The following GPHN variants were observed in gnomAD, a reference collection of about 807,000 sequenced individuals.
The protein encoded by GPHN is gephyrin.
GPHN carries 17 observed loss-of-function variants against 95.5 expected under a neutral mutation model. The ratio of observed to expected loss-of-function variants is 0.18; its 90% confidence interval spans 0.12 to 0.27. The LOEUF (loss-of-function observed/expected upper bound fraction) is 0.27, where lower values mean the gene tolerates loss of function less well. Ranked by LOEUF, GPHN falls within the 10% of genes least tolerant of loss-of-function variation. The pLI is 1.00. For missense variants in GPHN, 660 were observed against 978.1 expected, an observed-to-expected ratio of 0.67 and a Z score of 4.34; for synonymous variants, 320 against 322.5, an observed-to-expected ratio of 0.99 and a Z score of 0.08.
chr14:66,685,987 C>T (rs1343585962), intron 2 of GPHN, among the ~76,000 whole-genome samples: 1 of 133,878 alleles, frequency 7.5e-6, no homozygotes, highest in Non-Finnish European at 1.5e-5. Context: ...TTCCCAGCAC[C>T]ATTTATTAAA....
At chr14:66,959,538 T>C (rs996855000) in intron 8 of GPHN, among the ~76,000 whole-genome samples, 1 of 152,136 alleles carries the variant, frequency 6.6e-6, no homozygotes, top group Admixed American at 6.6e-5. Flanking sequence ...TTATCAGATA[T>C]AGAATTATTG....
At chr14:67,155,822 G>A (rs927715794) in intron 18 of GPHN, among the ~76,000 whole-genome samples, 4 of 152,050 alleles carry the variant, frequency 2.6e-5, no homozygotes, top group Non-Finnish European at 4.4e-5. Flanking sequence ...CCATACCTAG[G>A]TAATCAGCAA....
At chr14:67,238,107 C>A in the GPHN span, among the ~76,000 whole-genome samples, 1 of 152,100 alleles carries the variant, frequency 6.6e-6, no homozygotes, top group Non-Finnish European at 1.5e-5. Flanking sequence ...AAAACTTAAT[C>A]TAATTACCAT....
At chr14:67,482,492 TC>T in the GPHN span, among the ~76,000 whole-genome samples, 5 of 152,112 alleles carry the variant, frequency 3.3e-5, no homozygotes, top group Admixed American at 3.3e-4. Context: ...CCGCTTTCAC[TC>T]CACTCACTTC....
At chr14:66,542,210 C>T (rs1264710879) in intron 1 of GPHN, among the ~76,000 whole-genome samples, 1 of 152,172 alleles carries the variant, frequency 6.6e-6, no homozygotes, top group Non-Finnish European at 1.5e-5. Flanking sequence ...ATCATGCTGA[C>T]TAGTTTTACT....
intron 2 of GPHN, among the ~76,000 whole-genome samples, chr14:66,702,685 T>C (rs1352769583): frequency 6.6e-6 from 1 of 151,772 alleles, no homozygotes; most frequent in Non-Finnish European, 1.5e-5. Context: ...TTAGACAAAC[T>C]CATGAAGATG....
intron 1 of GPHN, among the ~76,000 whole-genome samples, chr14:66,573,735 G>A (rs977170007): frequency 2.0e-5 from 3 of 152,082 alleles, no homozygotes; most frequent in Non-Finnish European, 2.9e-5. Context: ...GATTACAGGC[G>A]TGAGCCACCA....
At chr14:67,341,367 C>G in the GPHN span, among the ~76,000 whole-genome samples, 1 of 152,024 alleles carries the variant, frequency 6.6e-6, no homozygotes, top group African/African-American at 2.4e-5. Flanking sequence ...GCAGCCGCCC[C>G]ATCTGAGAAG....
At chr14:66,887,348 G>C (rs926701899) in intron 5 of GPHN, among the ~76,000 whole-genome samples, 1 of 152,138 alleles carries the variant, frequency 6.6e-6, no homozygotes, top group African/African-American at 2.4e-5. Flanking sequence ...CCAGTGCTTT[G>C]GGAGGCCAAG....
chr14:66,881,312 C>CT (rs1472813085), intron 5 of GPHN, among the ~76,000 whole-genome samples: 14 of 151,768 alleles, frequency 9.2e-5, no homozygotes, highest in Non-Finnish European at 1.8e-4. Flanking sequence ...TCATAGTGTT[C>CT]TTTTTTTAAA....
At chr14:67,581,482 C>T in the GPHN span, 13 of 168,980 alleles carry the variant, frequency 7.7e-5, no homozygotes, top group Non-Finnish European at 1.4e-4. Context: ...GCTGAGATCA[C>T]GCCACTGCAC....
At chr14:67,463,761 C>T in the GPHN span, among the ~76,000 whole-genome samples, 1 of 152,038 alleles carries the variant, frequency 6.6e-6, no homozygotes, top group East Asian at 1.9e-4. Flanking sequence ...GAATGTGCTC[C>T]CAGTGAACTC....
At chr14:67,510,390 G>A in the GPHN span, among the ~76,000 whole-genome samples, 1 of 152,074 alleles carries the variant, frequency 6.6e-6, no homozygotes, top group Non-Finnish European at 1.5e-5. Flanking sequence ...ACACACAGAC[G>A]AATCATTGCC....
At chr14:66,875,170 A>G (rs1009322869) in intron 4 of GPHN, among the ~76,000 whole-genome samples, 1 of 152,058 alleles carries the variant, frequency 6.6e-6, no homozygotes, top group African/African-American at 2.4e-5. Context: ...CTTCATAAAC[A>G]AAGGAGAAGT....
the GPHN span, among the ~76,000 whole-genome samples, chr14:67,659,538 G>A: frequency 2.3e-4 from 35 of 151,422 alleles, no homozygotes; most frequent in Non-Finnish European, 4.3e-4. Flanking sequence ...CATATAGTTC[G>A]AAAGGCCTGC....
chr14:67,037,327 C>T (rs955816756), intron 10 of GPHN, among the ~76,000 whole-genome samples: 1 of 151,830 alleles, frequency 6.6e-6, no homozygotes, highest in Non-Finnish European at 1.5e-5. Flanking sequence ...ATAGGTAAGA[C>T]CTGAAACTAT....
At chr14:67,684,038 G>T in the GPHN span, among the ~76,000 whole-genome samples, 3 of 152,116 alleles carry the variant, frequency 2.0e-5, no homozygotes, top group Non-Finnish European at 4.4e-5. Flanking sequence ...CTGCTTCAGG[G>T]CCTCTTTCAC....
At chr14:67,074,036 A>G (rs2153659008) in intron 11 of GPHN, among the ~76,000 whole-genome samples, 1 of 152,306 alleles carries the variant, frequency 6.6e-6, no homozygotes, top group East Asian at 1.9e-4. Flanking sequence ...TGGTCTTTCA[A>G]ATAAAGAGGT....
chr14:67,221,413 C>T, the GPHN span, among the ~76,000 whole-genome samples: 4 of 152,148 alleles, frequency 2.6e-5, no homozygotes, highest in East Asian at 1.9e-4. Context: ...TTTATTTACA[C>T]GGCTCAGCAG....
Sources: gnomAD v4.1 joint callset for allele counts (sites outside exome capture counted in the v4.1 genomes callset) on GRCh38, gnomAD v4.1.1 for gene constraint, MANE v1.5 for transcripts, NCBI Gene and HGNC (gene_info 2026-07-23, HGNC 2026-07-21) for gene names.